PTPN13: variants seen among roughly 807,000 people sequenced by gnomAD.
PTPN13 encodes the protein tyrosine-protein phosphatase non-receptor type 13.
Under a neutral mutation model 284.0 loss-of-function variants are expected in PTPN13, and 191 were observed. That is an observed-to-expected ratio of 0.67 (90% CI 0.60 to 0.76). PTPN13 has a LOEUF of 0.76. Among genes scored for constraint, PTPN13 ranks in the 30% least tolerant of loss-of-function variants. PTPN13 has a pLI of 0.00. For missense variants in PTPN13, 2,797 were observed against 2,939.9 expected (o/e 0.95, Z 1.12); for synonymous variants, 986 against 1,022.3 (o/e 0.96, Z 0.68).
intron 7 of PTPN13, 129 bp downstream of exon 7, chr4:86,701,930 TCTTA>T (rs1731211192): frequency 1.2e-6 from 1 of 836,026 alleles, no homozygotes; most frequent in African/African-American, 1.7e-5. Flanking sequence ...CTGGTTAGTC[TCTTA>T]CTTCTCTGTC....
At chr4:86,655,184 A>T (rs1335337784) in intron 2 of PTPN13, among the ~76,000 whole-genome samples, 1 of 152,000 alleles carries the variant, frequency 6.6e-6, no homozygotes, top group Non-Finnish European at 1.5e-5. Flanking sequence ...ATGGGTCTTG[A>T]TTCTTTATCC....
rs556036233 is a variant in PTPN13 at position 86,661,478 on chromosome 4, A to T, written c.116-10887A>T. 7.5e-4 allele frequency among the ~76,000 whole-genome samples: 114 copies of T among 152,290 alleles called. 1 individual carries two copies. The highest frequency in any genetic ancestry group is 2.3e-3 in the African/African-American group (94 of 41,578). ...TTTTATAAGAAATGTATACTATTTTAAAAAAATTGAATAGTTTACCATTCA... is the reference window on the plus strand; with the variant it reads ...TTTTATAAGAAATGTATACTATTTTTAAAAAATTGAATAGTTTACCATTCA... On this transcript the variant is annotated intron_variant, in intron 2 of 47. Coordinates refer to ENST00000411767, the MANE Select transcript of PTPN13 (RefSeq NM_080683.3).
At chr4:86,775,736 A>G (rs1487057826) in intron 35 of PTPN13, 84 bp downstream of exon 35, 1 of 1,071,418 alleles carries the variant, frequency 9.3e-7, no homozygotes, top group Non-Finnish European at 1.3e-6. Context: ...CTGAAAATAT[A>G]TTACTGAATT....
intron 31 of PTPN13, among the ~76,000 whole-genome samples, chr4:86,771,985 A>T (rs146123961): frequency 5.6e-4 from 86 of 152,334 alleles, no homozygotes; most frequent in South Asian, 3.9e-3. Flanking sequence ...GACTACATCA[A>T]TACATTGCAT....
chr4:86,651,535 A>G (rs139247577), intron 2 of PTPN13, among the ~76,000 whole-genome samples: 4 of 151,492 alleles, frequency 2.6e-5, no homozygotes, highest in African/African-American at 7.3e-5. Flanking sequence ...TCCTTGATTT[A>G]TTGGAATCAT....
In PTPN13 at chr4:86,782,264, T is replaced by A; in HGVS notation, c.6024+2T>A. 2 of 1,602,296 alleles carry A rather than the reference T, an allele frequency of 1.2e-6. No individual in the cohort carries two copies. The highest frequency in any genetic ancestry group is 1.7e-6 in the Non-Finnish European group (2 of 1,169,354). On this transcript the variant is annotated splice_donor_variant, in intron 37 of 47. Coordinates refer to ENST00000411767, the MANE Select transcript of PTPN13 (RefSeq NM_080683.3). LOFTEE classifies it high-confidence loss of function. ...ACTCCTAATGATTCATTCTCCACGG[T>A]AAGAAAAAGCCCACCCTCTTTCATG...
chr4:86,653,352 TG>T (rs1272195651), intron 2 of PTPN13, among the ~76,000 whole-genome samples: 21 of 152,190 alleles, frequency 1.4e-4, no homozygotes, highest in Admixed American at 1.3e-3. Context: ...TTCCAGTCTT[TG>T]CAGTCTAGTC....
chr4:86,767,670 A>ATTTTTTTTT, intron 27 of PTPN13, 147 bp from the exon 28 acceptor site: 1 of 531,730 alleles, frequency 1.9e-6, no homozygotes, highest in Middle Eastern at 5.4e-4. Flanking sequence ...TTGTTCCTCT[A>ATTTTTTTTT]TTTTTTTTTT....
At chr4:86,781,189 A>T (rs1741261611) in intron 36 of PTPN13, among the ~76,000 whole-genome samples, 1 of 152,170 alleles carries the variant, frequency 6.6e-6, no homozygotes, top group African/African-American at 2.4e-5. Flanking sequence ...CTCAACTTTT[A>T]TCTTTCTAGG....
intron 28 of PTPN13, among the ~76,000 whole-genome samples, chr4:86,769,316 T>A (rs1276192531): frequency 6.6e-6 from 1 of 152,118 alleles, no homozygotes; most frequent in Non-Finnish European, 1.5e-5. Flanking sequence ...TTTTTTTGTC[T>A]GTTATCGTAC....
intron 10 of PTPN13, among the ~76,000 whole-genome samples, chr4:86,722,776 G>A (rs1421330639): frequency 4.6e-5 from 7 of 152,166 alleles, no homozygotes; most frequent in African/African-American, 1.7e-4. Context: ...TCCATATATT[G>A]AGAAGATCAG....
intron 2 of PTPN13, among the ~76,000 whole-genome samples, chr4:86,667,824 G>A (rs1174730865): frequency 2.0e-5 from 3 of 152,148 alleles, no homozygotes; most frequent in Admixed American, 6.6e-5. Context: ...GTTGTTCTAA[G>A]TCTCAAAATG....
chr4:86,594,883 TC>T (rs1166747866), intron 1 of PTPN13, 94 bp downstream of exon 1: 1 of 152,560 alleles, frequency 6.6e-6, no homozygotes, highest in Non-Finnish European at 1.5e-5. Context: ...CTCTCTGCTT[TC>T]GCTCCAGTCC....
intron 9 of PTPN13, 80 bp from the exon 10 acceptor site, chr4:86,722,132 C>A (rs777940425): frequency 3.0e-5 from 36 of 1,206,124 alleles, no homozygotes; most frequent in Non-Finnish European, 4.2e-5. Flanking sequence ...TGCAACCTTA[C>A]TTAAAATGAA....
chr4:86,779,308 T>G (rs1741017785), intron 35 of PTPN13, among the ~76,000 whole-genome samples: 1 of 151,742 alleles, frequency 6.6e-6, no homozygotes, highest in South Asian at 2.1e-4. Flanking sequence ...TCCCAGCTAC[T>G]CGGGAGGCTA....
intron 3 of PTPN13, among the ~76,000 whole-genome samples, chr4:86,682,626 A>T (rs866069097): frequency 5.3e-5 from 8 of 152,050 alleles, no homozygotes; most frequent in Non-Finnish European, 8.8e-5. Flanking sequence ...CTTTCTACAC[A>T]ATATATATAT....
intron 1 of PTPN13, among the ~76,000 whole-genome samples, chr4:86,596,766 A>C (rs879228799): frequency 1.3e-5 from 2 of 152,172 alleles, no homozygotes; most frequent in Admixed American, 6.5e-5. Context: ...AATGTACTGG[A>C]GAGAAGGACT....
chr4:86,708,215 A>G (rs889871862), intron 7 of PTPN13, among the ~76,000 whole-genome samples: 5 of 152,160 alleles, frequency 3.3e-5, no homozygotes, highest in African/African-American at 9.6e-5. Context: ...ACCATATTGG[A>G]CAGTGCAGCT....
chr4:86,796,515 C>T (rs1743362836), intron 40 of PTPN13, among the ~76,000 whole-genome samples: 1 of 151,998 alleles, frequency 6.6e-6, no homozygotes, highest in Non-Finnish European at 1.5e-5. Context: ...GTGACATGCA[C>T]CTGTAGTCCC....
Sources: allele counts gnomAD v4.1 joint callset (sites outside exome capture counted in the v4.1 genomes callset), GRCh38; gene constraint gnomAD v4.1.1; transcripts MANE v1.5; gene names NCBI Gene and HGNC (gene_info 2026-07-23, HGNC 2026-07-21).